The following XIRP2 variants were observed in gnomAD, a reference collection of about 807,000 sequenced individuals.
XIRP2 encodes xin actin binding repeat containing 2, also known as xin actin-binding repeat-containing protein 2.
A neutral mutation model predicts 277.0 loss-of-function variants in XIRP2; 236 were observed. That is an observed-to-expected ratio of 0.85 (90% CI 0.77 to 0.95). XIRP2 has a LOEUF of 0.95. XIRP2 is among the 40% of genes least tolerant of loss of function. The pLI, the probability that XIRP2 is intolerant of heterozygous loss-of-function variation, is 0.00. For missense variants in XIRP2, 4,640 were observed against 4,157.5 expected (o/e 1.12, Z -3.19); for synonymous variants, 1,490 against 1,416.5 (o/e 1.05, Z -1.17).
chr2:166,972,758 T>C (rs933893364), intron 2 of XIRP2, among the ~76,000 whole-genome samples: 2 of 152,210 alleles, frequency 1.3e-5, no homozygotes, highest in African/African-American at 4.8e-5. Flanking sequence ...GTAGAATGCA[T>C]AGGAATAGTT....
At chr2:167,034,990 G>T (rs1343097568) in intron 2 of XIRP2, among the ~76,000 whole-genome samples, 1 of 152,144 alleles carries the variant, frequency 6.6e-6, no homozygotes, top group Non-Finnish European at 1.5e-5. Flanking sequence ...GGGTTTATCA[G>T]GGGTTTCCGC....
chr2:166,988,143 A>G lies in XIRP2; in HGVS notation c.408+84253A>G, dbSNP rs1327537985. Among the ~76,000 whole-genome samples the G allele has an allele frequency of 2.0e-5, 3 of 152,336 alleles. No individual in the cohort carries two copies. In the East Asian group the frequency reaches 5.8e-4, roughly 29 times the overall value. On this transcript the variant is annotated intron_variant, in intron 2 of 10. Transcript: ENST00000409195. ...AAAACCCAACTTTGCATGAGCAGTA[A>G]TAAGACATGTGGATATCAAGCACCC... is the stretch of plus-strand genomic sequence containing the variant.
intron 3 of XIRP2, 108 bp downstream of exon 3, chr2:167,136,170 A>G (rs1691545723): frequency 8.9e-7 from 1 of 1,125,440 alleles, no homozygotes; most frequent in African/African-American, 1.6e-5. Flanking sequence ...TAAGGAAAAT[A>G]ATGACTGCAT....
chr2:167,218,318 G>C lies in XIRP2; in HGVS notation c.858+18G>C, dbSNP rs1559026091. 7.0e-7 allele frequency: 1 copy of C among 1,436,846 alleles called. No homozygotes were observed. The highest frequency in any genetic ancestry group is 1.4e-5 in the African/African-American group (1 of 69,574). The allele number at this position is 1,436,846 out of a possible 1,614,324, so 89.0% of individuals were successfully genotyped here. A position where few individuals can be genotyped will look rare whatever the true frequency, so the allele number is the denominator to read the frequency against. ...CTGAGCAGGTAATACTACTACAGGT[G>C]ATGGGTAAATCAGGCATGGTTGAAA... On this transcript the variant is annotated intron_variant, in intron 5 of 10. Transcript: ENST00000409195.
chr2:166,964,318 T>C (rs1686372074), intron 2 of XIRP2, among the ~76,000 whole-genome samples: 1 of 151,834 alleles, frequency 6.6e-6, no homozygotes, highest in African/African-American at 2.4e-5. Flanking sequence ...TGTTTTCTCA[T>C]AATGCAGGAG....
At chr2:167,070,776 T>C (rs1168009937) in intron 2 of XIRP2, among the ~76,000 whole-genome samples, 1 of 152,192 alleles carries the variant, frequency 6.6e-6, no homozygotes, top group Admixed American at 6.5e-5. Flanking sequence ...GGAAAGTTGT[T>C]TTATCCATAC....
intron 2 of XIRP2, among the ~76,000 whole-genome samples, chr2:166,938,686 A>G (rs1685595417): frequency 6.6e-6 from 1 of 152,132 alleles, no homozygotes. Context: ...TCTAATGTTG[A>G]CAGTGGGGTT....
intron 2 of XIRP2, among the ~76,000 whole-genome samples, chr2:166,908,023 AT>A (rs79606182): frequency 0.3 from 44,909 of 151,786 alleles, 7,281 homozygotes; most frequent in East Asian, 0.55. Context: ...ATTGATGGAC[AT>A]TTGCATTGGT....
chr2:166,929,371 G>T (rs987593277), intron 2 of XIRP2, among the ~76,000 whole-genome samples: 1 of 152,020 alleles, frequency 6.6e-6, no homozygotes. Context: ...CTTCAGTCAC[G>T]TTGATAAGAA....
intron 2 of XIRP2, among the ~76,000 whole-genome samples, chr2:167,018,248 C>G (rs188127688): frequency 1.5e-4 from 23 of 152,020 alleles, no homozygotes; most frequent in African/African-American, 5.3e-4. Flanking sequence ...CCCAGGTCAC[C>G]TTAATGAAAT....
At chr2:167,212,007 A>C (rs1297890922) in intron 4 of XIRP2, among the ~76,000 whole-genome samples, 1 of 152,222 alleles carries the variant, frequency 6.6e-6, no homozygotes, top group African/African-American at 2.4e-5. Context: ...AAGGTGGTGT[A>C]TTAAAATAGC....
intron 3 of XIRP2, among the ~76,000 whole-genome samples, chr2:167,179,620 T>C (rs1305093050): frequency 6.6e-6 from 1 of 150,532 alleles, no homozygotes; most frequent in Admixed American, 6.6e-5. Flanking sequence ...GCACCCAGCC[T>C]AATCATTTTC....
chr2:167,078,728 T>C (rs1018847040), intron 2 of XIRP2, among the ~76,000 whole-genome samples: 3 of 151,740 alleles, frequency 2.0e-5, no homozygotes, highest in African/African-American at 7.3e-5. Context: ...TCCCAGCTAC[T>C]TGGGAGGCTG....
chr2:167,008,412 A>T (rs796518374), intron 2 of XIRP2, among the ~76,000 whole-genome samples: 21 of 151,730 alleles, frequency 1.4e-4, no homozygotes, highest in African/African-American at 4.8e-4. Context: ...AGAAGCTATA[A>T]TGTGATGGAG....
chr2:167,090,063 G>T (rs1220103768), intron 2 of XIRP2, among the ~76,000 whole-genome samples: 1 of 152,076 alleles, frequency 6.6e-6, no homozygotes, highest in Non-Finnish European at 1.5e-5. Context: ...TGCCAACTCA[G>T]TGAAGAGGGA....
intron 7 of XIRP2, 24 bp from the exon 8 acceptor site, chr2:167,241,753 C>G (rs1305713409): frequency 6.3e-7 from 1 of 1,585,552 alleles, no homozygotes; most frequent in Admixed American, 1.8e-5. Flanking sequence ...ACATAGTAAC[C>G]CTGGTGTGTT....
At chr2:166,987,542 A>C (rs771140027) in intron 2 of XIRP2, among the ~76,000 whole-genome samples, 4 of 152,336 alleles carry the variant, frequency 2.6e-5, no homozygotes, top group Non-Finnish European at 5.9e-5. Flanking sequence ...ATAGCATTAG[A>C]AAATAAAAAC....
chr2:167,241,989 A>G, intron 8 of XIRP2, 79 bp downstream of exon 8: 1 of 1,444,722 alleles, frequency 6.9e-7, no homozygotes, highest in African/African-American at 1.5e-5. Context: ...ATTATTGAAT[A>G]CTTGAGGTGG....
chr2:167,193,135 G>T (rs955695138), intron 3 of XIRP2, among the ~76,000 whole-genome samples: 3 of 152,286 alleles, frequency 2.0e-5, no homozygotes, highest in Non-Finnish European at 4.4e-5. Context: ...GCATGAGTTT[G>T]CATTTAAGTC....
Sources: gnomAD v4.1 joint callset for allele counts (sites outside exome capture counted in the v4.1 genomes callset) on GRCh38, gnomAD v4.1.1 for gene constraint, MANE v1.5 for transcripts, NCBI Gene and HGNC (gene_info 2026-07-23, HGNC 2026-07-21) for gene names.